Variants in KDELR2 observed in about 807,000 individuals in gnomAD.
KDELR2 encodes ER lumen protein-retaining receptor 2.
In KDELR2, 15 loss-of-function variants were observed where a neutral mutation model predicts 23.9. The observed-to-expected ratio is 0.63, with a 90% confidence interval of 0.42 to 0.97. KDELR2 has a LOEUF of 0.97. KDELR2 is among the 50% of genes least tolerant of loss of function. The pLI, the probability that KDELR2 is intolerant of heterozygous loss-of-function variation, is 0.00. For synonymous variants in KDELR2, 119 were observed against 106.2 expected (o/e 1.12, Z -0.74); for missense variants, 272 against 254.6 (o/e 1.07, Z -0.46).
At chr7:6,465,219 T>G (rs1382803774) in intron 4 of KDELR2, among the ~76,000 whole-genome samples, 2 of 149,622 alleles carry the variant, frequency 1.3e-5, no homozygotes, top group Non-Finnish European at 3.0e-5. Flanking sequence ...AGTCTCGCAC[T>G]GTCACCCAGG....
chr7:6,483,897 A>G, intron 1 of KDELR2, 70 bp downstream of exon 1: 1 of 1,250,404 alleles, frequency 8.0e-7, no homozygotes, highest in Non-Finnish European at 1.0e-6. Context: ...GGGGTGGCCG[A>G]GGTCGGCGGG....
At chr7:6,483,628 C>G (rs902092218) in intron 1 of KDELR2, among the ~76,000 whole-genome samples, 1 of 152,334 alleles carries the variant, frequency 6.6e-6, no homozygotes, top group Admixed American at 6.5e-5. Context: ...GAAGCGCCCC[C>G]ATTCAAGCCC....
chr7:6,465,384 C>T (rs1385643931), intron 4 of KDELR2, among the ~76,000 whole-genome samples: 7 of 151,432 alleles, frequency 4.6e-5, no homozygotes, highest in South Asian at 2.1e-4. Flanking sequence ...CGGGGTTTCA[C>T]GTGTTAGCCA....
intron 3 of KDELR2, 28 bp downstream of exon 3, chr7:6,469,568 C>T (rs1785582212): frequency 3.7e-6 from 6 of 1,606,844 alleles, no homozygotes; most frequent in South Asian, 2.2e-5. Flanking sequence ...GCCACCATGC[C>T]TGGCCCTAAG....
Position 6,466,116 on chromosome 7 carries a change from G to T in KDELR2, c.559C>A (p.Gln187Lys). The stretch of plus-strand genomic sequence containing the variant: ...AAGAAGTCACAGTATAGGATGGTCT[G>T]GACTACGCCGGCCACCACAGCAATG... ...DLIAVVAGVV[Q>K]TILYCDFFYL... Residue 187 changes from glutamine (Q) to lysine (K), a missense_variant, in exon 4 of 5, where the codon CAG becomes AAG. Transcript: ENST00000258739. The T allele has an allele frequency of 6.2e-7, 1 of 1,614,110 alleles. No individual in the cohort carries two copies.
chr7:6,469,844 G>A (rs1029983806), intron 2 of KDELR2, 90 bp from the exon 3 acceptor site: 4 of 1,141,558 alleles, frequency 3.5e-6, no homozygotes, highest in Non-Finnish European at 3.6e-6. Context: ...TATTTGGAAA[G>A]GCAAGATTTT....
intron 1 of KDELR2, among the ~76,000 whole-genome samples, chr7:6,478,728 T>C (rs1785812704): frequency 6.6e-6 from 1 of 152,206 alleles, no homozygotes; most frequent in Non-Finnish European, 1.5e-5. Flanking sequence ...TCCAGGACCG[T>C]AGTATGAACA....
At chr7:6,468,012 C>G (rs757832915) in intron 3 of KDELR2, among the ~76,000 whole-genome samples, 2 of 152,178 alleles carry the variant, frequency 1.3e-5, no homozygotes, top group Non-Finnish European at 1.5e-5. Context: ...ACATGAAAAG[C>G]AAACAAAATG....
At chr7:6,470,050 AC>A (rs1324373561) in intron 2 of KDELR2, 3 of 242,028 alleles carry the variant, frequency 1.2e-5, no homozygotes, top group African/African-American at 2.3e-5. Context: ...GTGCAATCAC[AC>A]TTATGTTCTC....
intron 2 of KDELR2, 72 bp downstream of exon 2, chr7:6,474,112 C>G (rs1785706995): frequency 1.1e-6 from 1 of 891,660 alleles, no homozygotes; most frequent in Non-Finnish European, 1.8e-6. Context: ...AAATACACAG[C>G]TGACATAAAT....
At position 6,474,221 on chromosome 7, in the gene KDELR2, A is replaced by C; in HGVS notation, c.155T>G (p.Phe52Cys). Residue 52 changes from phenylalanine (F) to cysteine (C), a missense_variant, in exon 2 of 5, where the codon TTT becomes TGT. Physicochemically the swap from Phe to Cys is radical, Grantham distance 205. Transcript: ENST00000258739. ...GTTATACAATGAAATAAATGAAGTA[A>C]AAAGATCCAGGTAACGAGTTGTGAA... ...LVFTTRYLDL[F>C]TSFISLYNTS... 6.2e-7 allele frequency: 1 copy of C among 1,613,854 alleles called. No homozygotes were observed. The highest frequency in any genetic ancestry group is 8.5e-7 in the Non-Finnish European group (1 of 1,179,700).
intron 3 of KDELR2, among the ~76,000 whole-genome samples, chr7:6,468,254 C>T (rs1210304987): frequency 6.6e-6 from 1 of 152,112 alleles, no homozygotes; most frequent in Non-Finnish European, 1.5e-5. Flanking sequence ...AAAATAAAAA[C>T]AAAAAACTCC....
At chr7:6,481,966 G>A (rs1297944684) in intron 1 of KDELR2, among the ~76,000 whole-genome samples, 1 of 147,750 alleles carries the variant, frequency 6.8e-6, no homozygotes, top group Non-Finnish European at 1.5e-5. Flanking sequence ...ACCTCCTAAG[G>A]TCGTTTATTT....
At chr7:6,463,549 A>G (rs1225822584) in intron 4 of KDELR2, among the ~76,000 whole-genome samples, 2 of 151,270 alleles carry the variant, frequency 1.3e-5, no homozygotes, top group African/African-American at 2.4e-5. Flanking sequence ...TGGGCAAAAA[A>G]AGTGAGAGCG....
intron 1 of KDELR2, among the ~76,000 whole-genome samples, chr7:6,481,225 C>A (rs755167899): frequency 6.6e-6 from 1 of 151,730 alleles, no homozygotes. Context: ...AAAAATTAGC[C>A]GAGCGTGGTG....
intron 2 of KDELR2, among the ~76,000 whole-genome samples, chr7:6,472,014 C>T (rs1339834177): frequency 1.3e-5 from 2 of 152,106 alleles, no homozygotes; most frequent in African/African-American, 2.4e-5. Context: ...AATTCTCCTG[C>T]CTCAGCCTCC....
rs1785501859 is a variant in KDELR2 at position 6,466,277 on chromosome 7, G to A, written c.398C>T (p.Pro133Leu). 6 of 1,614,056 alleles carry A rather than the reference G, an allele frequency of 3.7e-6. No homozygotes were observed. The highest frequency in any genetic ancestry group is 5.1e-6 in the Non-Finnish European group (6 of 1,179,978). The change falls in exon 4 of 5, where the codon CCG becomes CTG. Residue 133 changes from proline to leucine, a missense_variant. Pro to Leu is a moderately conservative substitution (Grantham distance 98, BLOSUM62 -3). Coordinates refer to ENST00000258739, the MANE Select transcript of KDELR2 (RefSeq NM_006854.4). Reference sequence around the variant, plus strand: ...AGTCTTGCTGATCATAAATAGCTGCGGAAGGATAGCCACGGACTCCAGGTA... The same window carrying A: ...AGTCTTGCTGATCATAAATAGCTGCAGAAGGATAGCCACGGACTCCAGGTA... The part of the protein sequence containing the change: ...SIYLESVAIL[P>L]QLFMISKTGE...
At chr7:6,479,855 A>T (rs1318216934) in intron 1 of KDELR2, among the ~76,000 whole-genome samples, 1 of 152,226 alleles carries the variant, frequency 6.6e-6, no homozygotes, top group Non-Finnish European at 1.5e-5. Flanking sequence ...GGTGGTCAAT[A>T]AATGAGAGTA....
rs568715970 is a variant in KDELR2 at position 6,479,723 on chromosome 7, C to G, written c.91+4244G>C. On this transcript the variant is annotated intron_variant, in intron 1 of 4. Coordinates refer to ENST00000258739, the MANE Select transcript of KDELR2 (RefSeq NM_006854.4). ...GGATCTCCTGCCCTCAAGATCCGCC[C>G]GCCTTGGCCTCCCAAAGTCCTAGGA... Among the ~76,000 whole-genome samples, 4 of 152,178 alleles carry G rather than the reference C, an allele frequency of 2.6e-5. 1 individual carries two copies. The highest frequency in any genetic ancestry group is 2.6e-4 in the Admixed American group (4 of 15,270).
Sources: allele counts gnomAD v4.1 joint callset (sites outside exome capture counted in the v4.1 genomes callset), GRCh38; gene constraint gnomAD v4.1.1; transcripts MANE v1.5; gene names NCBI Gene and HGNC (gene_info 2026-07-23, HGNC 2026-07-21).